Variants in NIPAL2 observed in about 807,000 individuals in gnomAD.
NIPAL2 encodes the protein NIPA-like protein 2.
Under a neutral mutation model 48.9 loss-of-function variants are expected in NIPAL2, and 43 were observed. That is an observed-to-expected ratio of 0.88 (90% CI 0.69 to 1.13). The LOEUF is 1.13. Ranked by LOEUF, NIPAL2 falls within the 50% of genes most tolerant of loss-of-function variation. The pLI, the probability that NIPAL2 is intolerant of heterozygous loss-of-function variation, is 0.00. For synonymous variants in NIPAL2, 167 were observed against 174.6 expected, an observed-to-expected ratio of 0.96 and a Z score of 0.34; for missense variants, 446 against 461.4, an observed-to-expected ratio of 0.97 and a Z score of 0.31.
In NIPAL2 at chr8:98,221,343, G is replaced by A. The variant is rs114066850; in HGVS notation, c.558+1136C>T. 5.4e-3 allele frequency among the ~76,000 whole-genome samples: 802 copies of A among 149,122 alleles called. 9 individuals are homozygous for A. Among genetic ancestry groups the A allele is most frequent in the African/African-American group, 0.016 (671 of 41,060 alleles). On this transcript the variant is annotated intron_variant, in intron 5 of 10. Transcript: ENST00000430223. ...TGTGTGCTCCTCTCAGACAGTCTGT[G>A]GCATTGATCTCAACAAGGACTTTTT...
intron 1 of NIPAL2, among the ~76,000 whole-genome samples, chr8:98,293,338 A>G (rs1415464640): frequency 6.6e-6 from 1 of 152,222 alleles, no homozygotes; most frequent in African/African-American, 2.4e-5. Flanking sequence ...CAAGCCAAAA[A>G]TAAATGGGCG....
intron 4 of NIPAL2, among the ~76,000 whole-genome samples, chr8:98,232,511 T>C (rs1812486406): frequency 6.6e-6 from 1 of 152,188 alleles, no homozygotes; most frequent in South Asian, 2.1e-4. Context: ...CTAATATTAT[T>C]GAACACATTA....
chr8:98,191,732 T>C lies in NIPAL2; in HGVS notation c.*1246A>G, dbSNP rs1810312765. On this transcript the variant is annotated 3_prime_UTR_variant, in exon 11 of 11. Coordinates refer to ENST00000430223, the MANE Select transcript of NIPAL2 (RefSeq NM_001321635.2). ...TACTTCTTTTCTTCTCCTTTAAATA[T>C]TAGGTAGATCATAAATAACAGATAT... is the stretch of plus-strand genomic sequence containing the variant. 1 of 152,226 alleles carries C rather than the reference T, an allele frequency of 6.6e-6. No homozygotes were observed. Among genetic ancestry groups the C allele is most frequent in the African/African-American group, 2.4e-5 (1 of 41,454 alleles). 9.4% of individuals were successfully genotyped at this position (152,226 alleles called of 1,614,324 possible).
intron 3 of NIPAL2, 117 bp downstream of exon 3, chr8:98,252,346 G>T: frequency 1.0e-6 from 1 of 957,078 alleles, no homozygotes; most frequent in Non-Finnish European, 1.5e-6. Context: ...ATGTTAACGT[G>T]ATAAGAAACC....
chr8:98,269,773 C>T (rs965832297), intron 1 of NIPAL2, among the ~76,000 whole-genome samples: 11 of 152,058 alleles, frequency 7.2e-5, no homozygotes, highest in African/African-American at 9.7e-5. Flanking sequence ...GATTTGGGCT[C>T]GTATTGATCC....
intron 6 of NIPAL2, among the ~76,000 whole-genome samples, chr8:98,210,405 C>T (rs998097070): frequency 2.6e-5 from 4 of 152,114 alleles, no homozygotes; most frequent in Non-Finnish European, 5.9e-5. Context: ...TAGGGTTTTA[C>T]TGGTTTCTAT....
At chr8:98,244,553 G>GGCTGTGATAAGGGGGGTGC (rs1226398812) in intron 3 of NIPAL2, among the ~76,000 whole-genome samples, 5 of 83,034 alleles carry the variant, frequency 6.0e-5, no homozygotes, top group Admixed American at 1.3e-4. Context: ...TGAGAGGGTG[G>GGCTGTGATAAGGGGGGTGC]GCTGTGATAA....
Position 98,193,675 on chromosome 8 carries a change from C to T in NIPAL2, c.1040-585G>A, listed in dbSNP as rs1295065045. On this transcript the variant is annotated intron_variant, in intron 10 of 10. Coordinates refer to ENST00000430223, the MANE Select transcript of NIPAL2 (RefSeq NM_001321635.2). ...CTCTGCTAAAAATACAAAAATTAGC[C>T]GGGCATGGTGGTGCCTACTCGGGAG... Among the ~76,000 whole-genome samples the T allele has an allele frequency of 2.0e-5, 3 of 151,754 alleles. No individual in the cohort carries two copies. The East Asian group carries it at 5.8e-4, about 29-fold the overall frequency.
At chr8:98,214,378 G>T (rs1486236213) in intron 5 of NIPAL2, among the ~76,000 whole-genome samples, 1 of 152,032 alleles carries the variant, frequency 6.6e-6, no homozygotes, top group East Asian at 1.9e-4. Flanking sequence ...TGGCCATGTT[G>T]GTCTTGAACT....
chr8:98,246,808 C>T (rs1270950601), intron 3 of NIPAL2, among the ~76,000 whole-genome samples: 2 of 152,040 alleles, frequency 1.3e-5, no homozygotes, highest in African/African-American at 4.8e-5. Flanking sequence ...CATTCTATTT[C>T]TCCCTCCCTC....
chr8:98,195,446 A>G (rs761095040), intron 9 of NIPAL2, among the ~76,000 whole-genome samples: 1 of 152,182 alleles, frequency 6.6e-6, no homozygotes, highest in Non-Finnish European at 1.5e-5. Flanking sequence ...AAGCAATGCT[A>G]GCAATGATGC....
chr8:98,229,470 T>C (rs1277121546), intron 4 of NIPAL2, among the ~76,000 whole-genome samples: 1 of 152,202 alleles, frequency 6.6e-6, no homozygotes, highest in Non-Finnish European at 1.5e-5. Context: ...ATTCCTGGGC[T>C]CAAGTGATCA....
intron 1 of NIPAL2, among the ~76,000 whole-genome samples, chr8:98,264,003 C>T (rs1185269622): frequency 1.4e-5 from 2 of 146,210 alleles, no homozygotes; most frequent in Non-Finnish European, 3.0e-5. Flanking sequence ...TGTAATCCAG[C>T]ATATAAACAG....
intron 3 of NIPAL2, among the ~76,000 whole-genome samples, chr8:98,242,953 T>A (rs1813075342): frequency 6.6e-6 from 1 of 152,066 alleles, no homozygotes; most frequent in African/African-American, 2.4e-5. Context: ...AAAATTACGT[T>A]AAAAAATAAA....
intron 8 of NIPAL2, among the ~76,000 whole-genome samples, chr8:98,198,777 CG>C (rs1440147611): frequency 6.6e-6 from 1 of 152,136 alleles, no homozygotes; most frequent in Non-Finnish European, 1.5e-5. Flanking sequence ...AAAAGAGTTA[CG>C]GCCTTGCTCT....
intron 6 of NIPAL2, among the ~76,000 whole-genome samples, chr8:98,207,315 C>T (rs533993231): frequency 2.6e-5 from 4 of 152,268 alleles, no homozygotes; most frequent in Admixed American, 6.5e-5. Context: ...TGTAGCCAAT[C>T]GTTACATTTT....
intron 3 of NIPAL2, among the ~76,000 whole-genome samples, chr8:98,238,416 C>T (rs1812824087): frequency 6.6e-6 from 1 of 152,114 alleles, no homozygotes; most frequent in South Asian, 2.1e-4. Context: ...CCTCAGTTAA[C>T]ACATTACAAT....
At chr8:98,194,473 A>C (rs960061197) in intron 10 of NIPAL2, among the ~76,000 whole-genome samples, 1 of 152,148 alleles carries the variant, frequency 6.6e-6, no homozygotes. Flanking sequence ...AGGAAACCCA[A>C]AAAGGAAATC....
At chr8:98,246,957 T>C (rs1029608735) in intron 3 of NIPAL2, among the ~76,000 whole-genome samples, 1 of 152,234 alleles carries the variant, frequency 6.6e-6, no homozygotes, top group African/African-American at 2.4e-5. Context: ...TGTTGATAAC[T>C]TCATTGTTTT....
Sources: gnomAD v4.1 joint callset for allele counts (sites outside exome capture counted in the v4.1 genomes callset) on GRCh38, gnomAD v4.1.1 for gene constraint, MANE v1.5 for transcripts, NCBI Gene and HGNC (gene_info 2026-07-23, HGNC 2026-07-21) for gene names.